Variants in PTPRG observed in about 807,000 individuals in gnomAD.
The protein encoded by PTPRG is receptor-type tyrosine-protein phosphatase gamma.
A neutral mutation model predicts 165.3 loss-of-function variants in PTPRG; 102 were observed. The observed-to-expected ratio is 0.62, with a 90% CI of 0.53 to 0.73. The LOEUF (loss-of-function observed/expected upper bound fraction) is 0.73, where lower values mean the gene tolerates loss of function less well. Among genes scored for constraint, PTPRG ranks in the 30% least tolerant of loss-of-function variants. PTPRG has a pLI of 0.00. For missense variants in PTPRG, 1,866 were observed against 1,861.4 expected (o/e 1.00, Z -0.05); for synonymous variants, 675 against 669.5 (o/e 1.01, Z -0.13).
At chr3:62,265,742 C>G (rs1701842345) in intron 17 of PTPRG, among the ~76,000 whole-genome samples, 1 of 152,048 alleles carries the variant, frequency 6.6e-6, no homozygotes, top group Non-Finnish European at 1.5e-5. Context: ...AGGCTCACCA[C>G]TGCTGTGACT....
At chr3:61,654,632 C>A (rs1022587898) in intron 1 of PTPRG, among the ~76,000 whole-genome samples, 2 of 151,990 alleles carry the variant, frequency 1.3e-5, no homozygotes, top group African/African-American at 4.8e-5. Context: ...GCAGTCCGCC[C>A]GCCTCAGCCT....
intron 2 of PTPRG, among the ~76,000 whole-genome samples, chr3:61,962,571 AAG>A (rs1309642325): frequency 6.6e-6 from 1 of 152,206 alleles, no homozygotes; most frequent in Non-Finnish European, 1.5e-5. Context: ...CACATTCATG[AAG>A]CTTTTCTGAA....
chr3:62,216,539 C>A lies in PTPRG; in HGVS notation c.2156-2312C>A, dbSNP rs556138877. On this transcript the variant is annotated intron_variant, in intron 12 of 29. Coordinates refer to ENST00000474889, the MANE Select transcript of PTPRG (RefSeq NM_002841.4). Reference sequence around the variant, plus strand: ...ACAGGACATCCAGGTCTTTGAGATTCCCCCCCCTCCCCCACCAGCCAGATA... The same window carrying A: ...ACAGGACATCCAGGTCTTTGAGATTACCCCCCCTCCCCCACCAGCCAGATA... 9.0e-3 allele frequency among the ~76,000 whole-genome samples: 1,366 copies of A among 150,970 alleles called. 28 individuals are homozygous for A. Among genetic ancestry groups the A allele is most frequent in the African/African-American group, 0.032 (1,310 of 40,772 alleles).
intron 6 of PTPRG, among the ~76,000 whole-genome samples, chr3:62,151,053 G>A (rs148271742): frequency 1.4e-4 from 21 of 152,270 alleles, no homozygotes; most frequent in African/African-American, 4.6e-4. Context: ...ATCATCTAAT[G>A]TTTTAATGAT....
At chr3:62,248,014 C>T (rs996597013) in intron 15 of PTPRG, among the ~76,000 whole-genome samples, 4 of 124,632 alleles carry the variant, frequency 3.2e-5, no homozygotes, top group Non-Finnish European at 5.1e-5. Context: ...GTTTTAAGAA[C>T]GAAGACTTTT....
chr3:61,745,506 C>T (rs73839104), intron 1 of PTPRG, among the ~76,000 whole-genome samples: 5 of 152,306 alleles, frequency 3.3e-5, no homozygotes, highest in African/African-American at 1.2e-4. Flanking sequence ...AGTTTTCCTG[C>T]CCATGCTGAC....
In PTPRG at chr3:62,109,117, C is replaced by T. The variant is rs1702577922; in HGVS notation, c.616-23485C>T. Among the ~76,000 whole-genome samples, 3 of 152,172 alleles carry T rather than the reference C, an allele frequency of 2.0e-5. No homozygotes were observed. The South Asian group carries it at 6.2e-4, about 32-fold the overall frequency. On this transcript the variant is annotated intron_variant, in intron 5 of 29. Coordinates refer to ENST00000474889, the MANE Select transcript of PTPRG (RefSeq NM_002841.4). ...TGATGTTTTAGACATGAAGTCTTTGCCAATGCCTATGTCCTGAATGGTATT... is the reference window on the plus strand; with the variant it reads ...TGATGTTTTAGACATGAAGTCTTTGTCAATGCCTATGTCCTGAATGGTATT...
chr3:61,880,394 T>G (rs1200900546), intron 2 of PTPRG, among the ~76,000 whole-genome samples: 1 of 151,984 alleles, frequency 6.6e-6, no homozygotes, highest in Non-Finnish European at 1.5e-5. Flanking sequence ...CCAAGGCAAG[T>G]GGATTGCTTG....
chr3:61,978,366 C>CT (rs770996252), intron 2 of PTPRG, among the ~76,000 whole-genome samples: 70 of 152,336 alleles, frequency 4.6e-4, no homozygotes, highest in Middle Eastern at 3.4e-3. Context: ...TTTCCCTACT[C>CT]TAATTCTTCC....
At chr3:61,953,350 G>A (rs7614020) in intron 2 of PTPRG, among the ~76,000 whole-genome samples, 9,484 of 152,216 alleles carry the variant, frequency 0.062, 414 homozygotes, top group East Asian at 0.21. Context: ...ACACAGGCAC[G>A]CAGGCAAAAG....
intron 2 of PTPRG, among the ~76,000 whole-genome samples, chr3:61,755,436 ACTC>A (rs776171673): frequency 6.6e-6 from 1 of 151,440 alleles, no homozygotes; most frequent in Non-Finnish European, 1.5e-5. Context: ...TTCTGCCTAA[ACTC>A]CTCAGTCTCC....
intron 5 of PTPRG, among the ~76,000 whole-genome samples, chr3:62,106,650 G>A (rs1214020692): frequency 1.3e-5 from 2 of 152,062 alleles, no homozygotes; most frequent in African/African-American, 2.4e-5. Context: ...CTACGGGCAT[G>A]TGCCACCACG....
intron 2 of PTPRG, among the ~76,000 whole-genome samples, chr3:61,988,578 T>A (rs1391688933): frequency 4.6e-5 from 7 of 152,218 alleles, no homozygotes; most frequent in Non-Finnish European, 1.0e-4. Context: ...CCCACCCATC[T>A]ACCAGTATTT....
intron 1 of PTPRG, among the ~76,000 whole-genome samples, chr3:61,700,147 AC>A (rs2030874161): frequency 6.6e-6 from 1 of 151,918 alleles, no homozygotes; most frequent in Admixed American, 6.6e-5. Flanking sequence ...TCTTCTCTGT[AC>A]CCCCTAAGGA....
chr3:61,728,814 C>G (rs2032366973), intron 1 of PTPRG, among the ~76,000 whole-genome samples: 2 of 146,588 alleles, frequency 1.4e-5, no homozygotes. Context: ...AGATGGAAGG[C>G]TTGCTTGAGC....
intron 2 of PTPRG, among the ~76,000 whole-genome samples, chr3:61,955,447 C>T (rs1269610116): frequency 6.6e-6 from 1 of 152,180 alleles, no homozygotes; most frequent in Non-Finnish European, 1.5e-5. Context: ...TATGCTATCT[C>T]ATTTTGGACT....
chr3:61,774,441 G>C (rs1039550370), intron 2 of PTPRG, among the ~76,000 whole-genome samples: 2 of 152,172 alleles, frequency 1.3e-5, no homozygotes, highest in Admixed American at 1.3e-4. Flanking sequence ...TGTGAGAGTT[G>C]GTACTGGAAC....
intron 14 of PTPRG, among the ~76,000 whole-genome samples, chr3:62,241,180 C>A (rs573614893): frequency 1.3e-5 from 2 of 152,074 alleles, no homozygotes; most frequent in African/African-American, 4.8e-5. Flanking sequence ...AATACTTTAT[C>A]AATTACTCCA....
At chr3:61,845,894 G>C (rs1232710670) in intron 2 of PTPRG, among the ~76,000 whole-genome samples, 1 of 152,136 alleles carries the variant, frequency 6.6e-6, no homozygotes, top group Non-Finnish European at 1.5e-5. Flanking sequence ...TGATTTAAAA[G>C]GCACCTGCCA....
Sources: allele counts gnomAD v4.1 joint callset (sites outside exome capture counted in the v4.1 genomes callset), GRCh38; gene constraint gnomAD v4.1.1; transcripts MANE v1.5; gene names NCBI Gene and HGNC (gene_info 2026-07-23, HGNC 2026-07-21).